ZFHX4: variants seen among roughly 807,000 people sequenced by gnomAD.
The protein encoded by ZFHX4 is zinc finger homeobox protein 4.
In ZFHX4, 56 loss-of-function variants were observed where a neutral mutation model predicts 267.6. The observed-to-expected ratio is 0.21, with a 90% CI of 0.17 to 0.26. The LOEUF is 0.26. Ranked by LOEUF, ZFHX4 falls within the 10% of genes least tolerant of loss-of-function variation. The pLI is 1.00. For missense variants in ZFHX4, 4,332 were observed against 4,420.0 expected, an observed-to-expected ratio of 0.98 and a Z score of 0.56; for synonymous variants, 1,778 against 1,665.6, an observed-to-expected ratio of 1.07 and a Z score of -1.64.
rs145665241 is a variant in ZFHX4 at position 76,856,054 on chromosome 8, C to T, written c.9133C>T (p.Arg3045Trp). 6.2e-7 allele frequency: 1 copy of T among 1,613,940 alleles called. No homozygotes were observed. The highest frequency in any genetic ancestry group is 1.3e-5 in the African/African-American group (1 of 75,026). ...GGAGACCGTTGGCAGTCAGCTCGAT[C>T]GGGAGAAAGATTACTTGGCTCCGAC... ...VRETVGSQLD[R>W]EKDYLAPTTV... Residue 3045 changes from arginine to tryptophan, a missense_variant, in exon 10 of 11, where the codon CGG (arginine) becomes TGG (tryptophan). Physicochemically the swap from Arg to Trp is moderately radical, Grantham distance 101. Coordinates refer to ENST00000651372, the MANE Select transcript of ZFHX4 (RefSeq NM_024721.5).
intron 4 of ZFHX4, among the ~76,000 whole-genome samples, chr8:76,818,189 G>A (rs1346007281): frequency 2.6e-5 from 4 of 152,090 alleles, no homozygotes. Context: ...ATTGAGTAGG[G>A]AAGGAAAATG....
At chr8:76,842,174 A>G (rs1400954807) in intron 5 of ZFHX4, among the ~76,000 whole-genome samples, 2 of 152,208 alleles carry the variant, frequency 1.3e-5, no homozygotes, top group East Asian at 1.9e-4. Flanking sequence ...AGAAAATGCC[A>G]AAGAATTCCT....
chr8:76,797,006 G>A (rs1433390939), intron 4 of ZFHX4, among the ~76,000 whole-genome samples: 2 of 152,094 alleles, frequency 1.3e-5, no homozygotes, highest in East Asian at 1.9e-4. Context: ...AACGTAAAGC[G>A]ACCATATCTA....
In ZFHX4 at chr8:76,842,758, T is replaced by C; in HGVS notation, c.3498T>C (p.Ser1166=). The C allele has an allele frequency of 6.4e-7, 1 of 1,550,918 alleles. No homozygotes were observed. Among genetic ancestry groups the C allele is most frequent in the Non-Finnish European group, 8.7e-7 (1 of 1,146,266 alleles). ...SERDNSEGKN[S]NKDSGIITPE... Reference sequence around the variant, plus strand: ...GAGACAATAGTGAAGGCAAAAACTCTAATAAAGACTCTGGTAAGATGCAAG... The same window carrying C: ...GAGACAATAGTGAAGGCAAAAACTCCAATAAAGACTCTGGTAAGATGCAAG... Residue 1166 remains serine, a synonymous_variant, in exon 6 of 11, where the codon TCT becomes TCC. Coordinates refer to ENST00000651372, the MANE Select transcript of ZFHX4 (RefSeq NM_024721.5).
intron 3 of ZFHX4, among the ~76,000 whole-genome samples, chr8:76,710,921 T>C (rs1808406095): frequency 1.3e-5 from 2 of 152,172 alleles, no homozygotes; most frequent in African/African-American, 2.4e-5. Context: ...AAAATCTGTT[T>C]TACAGATGTT....
In ZFHX4 at chr8:76,861,766, CT is replaced by C. The variant is rs757543240; in HGVS notation, c.9380-1318del. On this transcript the variant is annotated intron_variant, in intron 10 of 10. Transcript: ENST00000651372. Reference sequence around the variant, plus strand: ...GAAGCATACAGTTTTTCTGTCTCTCCTTTTTTTTTTAACACTCACATGTTGC... The same window carrying C: ...GAAGCATACAGTTTTTCTGTCTCTCCTTTTTTTTTAACACTCACATGTTGC... 5.2e-4 allele frequency among the ~76,000 whole-genome samples: 76 copies of C among 146,234 alleles called. No homozygotes were observed. In the South Asian group the frequency reaches 8.7e-3, roughly 17 times the overall value.
chr8:76,715,135 G>A (rs1047234651), intron 3 of ZFHX4, among the ~76,000 whole-genome samples: 14 of 152,130 alleles, frequency 9.2e-5, no homozygotes, highest in African/African-American at 3.1e-4. Flanking sequence ...CATATATGTA[G>A]TTTTCAAACA....
chr8:76,704,723 C>G lies in ZFHX4; in HGVS notation c.635C>G (p.Pro212Arg). The change falls in exon 2 of 11, where the codon CCA becomes CGA. Residue 212 changes from proline (P) to arginine (R), a missense_variant. Physicochemically the swap from Pro to Arg is moderately radical, Grantham distance 103. Around this residue, in one of 7 missense-constraint regions of ZFHX4, gnomAD observed 1,195 missense variants for 1,173.6 expected, o/e 1.02. Coordinates refer to ENST00000651372, the MANE Select transcript of ZFHX4 (RefSeq NM_024721.5). The part of the protein sequence containing the change: ...GKPFTADQAF[P>R]NTSALAGVGP... ...CCATTTACAGCCGATCAGGCTTTCCCAAATACCTCAGCATTAGCAGGAGTT... is the reference window on the plus strand; with the variant it reads ...CCATTTACAGCCGATCAGGCTTTCCGAAATACCTCAGCATTAGCAGGAGTT... 1 of 1,613,962 alleles carries G rather than the reference C, an allele frequency of 6.2e-7. No homozygotes were observed. Among genetic ancestry groups the G allele is most frequent in the Non-Finnish European group, 8.5e-7 (1 of 1,179,900 alleles).
intron 4 of ZFHX4, among the ~76,000 whole-genome samples, chr8:76,809,069 G>C (rs543612538): frequency 6.6e-6 from 1 of 152,048 alleles, no homozygotes; most frequent in Admixed American, 6.6e-5. Flanking sequence ...TGAATGAAAA[G>C]ACCATCTGGA....
chr8:76,826,660 A>G (rs1811793807), intron 4 of ZFHX4, among the ~76,000 whole-genome samples: 1 of 152,228 alleles, frequency 6.6e-6, no homozygotes, highest in Admixed American at 6.5e-5. Context: ...AGTCAAATTT[A>G]TAAATCAAAG....
chr8:76,846,314 G>A (rs1295613395), intron 6 of ZFHX4, among the ~76,000 whole-genome samples: 1 of 151,984 alleles, frequency 6.6e-6, no homozygotes, highest in Non-Finnish European at 1.5e-5. Context: ...TACTATCAGT[G>A]CCATGCATTT....
rs753862337 is a variant in ZFHX4 at position 76,863,401 on chromosome 8, G to A, written c.9687G>A (p.Leu3229=). ...EEKISSALSV[L]GKVVGETHVD... is the part of the protein sequence containing the mutation. ...AAATCTCATCTGCTCTTTCAGTGTT[G>A]GGCAAAGTTGTAGGTGAAACACATG... The change falls in exon 11 of 11, where the codon TTG becomes TTA. Residue 3229 remains leucine, a synonymous_variant. Transcript: ENST00000651372. 8.1e-6 allele frequency: 13 copies of A among 1,613,964 alleles called. No individual in the cohort carries two copies. The highest frequency in any genetic ancestry group is 3.3e-4 in the Middle Eastern group (2 of 6,062).
At chr8:76,797,168 T>C (rs1811000140) in intron 4 of ZFHX4, among the ~76,000 whole-genome samples, 1 of 152,160 alleles carries the variant, frequency 6.6e-6, no homozygotes. Context: ...AGGAGTAGTA[T>C]AGGTGGTTTT....
chr8:76,837,740 C>T (rs545944725), intron 5 of ZFHX4, among the ~76,000 whole-genome samples: 1 of 152,076 alleles, frequency 6.6e-6, no homozygotes, highest in African/African-American at 2.4e-5. Flanking sequence ...AAAATGTTTA[C>T]CTATTACAGC....
intron 4 of ZFHX4, among the ~76,000 whole-genome samples, chr8:76,796,555 C>T (rs1176254658): frequency 2.6e-5 from 4 of 152,022 alleles, no homozygotes; most frequent in East Asian, 3.9e-4. Context: ...CCACACTTGC[C>T]GCTGGGCTTT....
In ZFHX4 at chr8:76,850,998, A is replaced by G. The variant is rs775066309; in HGVS notation, c.4077A>G (p.Glu1359=). 1.2e-6 allele frequency: 2 copies of G among 1,613,940 alleles called. No homozygotes were observed. The highest frequency in any genetic ancestry group is 1.7e-6 in the Non-Finnish European group (2 of 1,179,866). ...KPTKEPLEVS[E]WNKNSSKDVK... ...CTAAAGAACCCTTGGAAGTCTCAGA[A>G]TGGAATAAAAATAGCAGTAAGGATG... The change falls in exon 10 of 11, where the codon GAA becomes GAG. Residue 1359 remains glutamate (E), a synonymous_variant. Coordinates refer to ENST00000651372, the MANE Select transcript of ZFHX4 (RefSeq NM_024721.5).
intron 8 of ZFHX4, 188 bp from the exon 9 acceptor site, chr8:76,850,057 A>G (rs1812470454): frequency 6.8e-6 from 4 of 591,004 alleles, no homozygotes; most frequent in South Asian, 6.4e-5. Context: ...TAATAATAAT[A>G]ATACAACATT....
intron 4 of ZFHX4, among the ~76,000 whole-genome samples, chr8:76,787,070 C>G (rs1467162047): frequency 6.6e-6 from 1 of 152,130 alleles, no homozygotes; most frequent in Non-Finnish European, 1.5e-5. Context: ...TATTTTACAT[C>G]CCACATTTTA....
intron 3 of ZFHX4, among the ~76,000 whole-genome samples, chr8:76,710,707 A>G (rs1343943610): frequency 6.6e-6 from 1 of 152,218 alleles, no homozygotes; most frequent in Non-Finnish European, 1.5e-5. Context: ...TGTTATTGAC[A>G]ACATATTGAT....
Sources: gnomAD v4.1 joint callset for allele counts (sites outside exome capture counted in the v4.1 genomes callset) on GRCh38, gnomAD v4.1.1 for gene constraint, gnomAD v4.1.1 regional missense constraint, MANE v1.5 for transcripts, NCBI Gene and HGNC (gene_info 2026-07-23, HGNC 2026-07-21) for gene names.